Variants in NLE1 observed in about 807,000 individuals in gnomAD.
NLE1 encodes the protein notchless protein homolog 1.
NLE1 carries 37 observed loss-of-function variants against 62.8 expected under a neutral mutation model. That is an observed-to-expected ratio of 0.59 (90% confidence interval 0.45 to 0.78). The LOEUF (loss-of-function observed/expected upper bound fraction) is 0.78. Ranked by LOEUF, NLE1 falls within the 30% of genes least tolerant of loss-of-function variation. NLE1 has a pLI of 0.00. For synonymous variants in NLE1, 243 were observed against 253.0 expected (o/e 0.96, Z 0.37); for missense variants, 555 against 637.9 (o/e 0.87, Z 1.40).
intron 12 of NLE1, among the ~76,000 whole-genome samples, chr17:35,132,948 C>T (rs1254861527): frequency 3.3e-5 from 5 of 150,908 alleles, no homozygotes; most frequent in East Asian, 1.9e-4. Context: ...AAGACCTGGA[C>T]GCGCCCTCTA....
At chr17:35,136,980 C>T in intron 7 of NLE1, 21 bp downstream of exon 7, 1 of 1,568,030 alleles carries the variant, frequency 6.4e-7, no homozygotes, top group Non-Finnish European at 8.7e-7. Flanking sequence ...GGACTGGTTT[C>T]TGAACCCTCC....
chr17:35,136,892 G>T, intron 7 of NLE1, 109 bp downstream of exon 7: 1 of 1,073,862 alleles, frequency 9.3e-7, no homozygotes, highest in African/African-American at 1.6e-5. Flanking sequence ...AGGGCTCCCA[G>T]CACACATCTG....
At chr17:35,133,275 T>TGAGAGG (rs2091888180) in intron 11 of NLE1, 34 bp from the exon 12 acceptor site, 1 of 1,613,818 alleles carries the variant, frequency 6.2e-7, no homozygotes, top group East Asian at 2.2e-5. Flanking sequence ...GGTGGGGTGG[T>TGAGAGG]GAGAGGGAGA....
At chr17:35,135,950 G>C (rs930142146) in intron 9 of NLE1, among the ~76,000 whole-genome samples, 1 of 152,176 alleles carries the variant, frequency 6.6e-6, no homozygotes, top group Admixed American at 6.5e-5. Flanking sequence ...TGTTGGAAAT[G>C]TAATAAATAG....
chr17:35,137,103 G>A lies in NLE1; in HGVS notation c.726C>T (p.Leu242=), dbSNP rs1427981312. The A allele has an allele frequency of 6.2e-7, 1 of 1,613,980 alleles. No homozygotes were observed. The highest frequency in any genetic ancestry group is 8.5e-7 in the Non-Finnish European group (1 of 1,179,988). The change falls in exon 7 of 13, where the codon CTC becomes CTT. Residue 242 remains leucine, a synonymous_variant. Coordinates refer to ENST00000442241, the MANE Select transcript of NLE1 (RefSeq NM_018096.5). ...AGGTGACCGACTGGGTGTGCCCGGTGAGGATGCGCTCACAGCGGCCTGCAG... is the reference window on the plus strand; with the variant it reads ...AGGTGACCGACTGGGTGTGCCCGGTAAGGATGCGCTCACAGCGGCCTGCAG... ...DTTAGRCERI[L]TGHTQSVTCL... is the part of the protein sequence containing the mutation.
At position 35,142,081 on chromosome 17, in the gene NLE1, C is replaced by T. The variant is rs199960173; in HGVS notation, c.60G>A (p.Gln20=). 2.5e-5 allele frequency: 40 copies of T among 1,612,720 alleles called. No individual in the cohort carries two copies. The highest frequency in any genetic ancestry group is 3.3e-5 in the Non-Finnish European group (39 of 1,179,930). ...VARDVQRLLV[Q]FQDEGGQLLG... Reference sequence around the variant, plus strand: ...GCAGCTGCCCGCCCTCATCCTGGAACTGCACTAGCAACCGCTGCACATCGC... The same window carrying T: ...GCAGCTGCCCGCCCTCATCCTGGAATTGCACTAGCAACCGCTGCACATCGC... The change falls in exon 2 of 13, where the codon CAG becomes CAA. Residue 20 remains glutamine (Q), a synonymous_variant. Transcript: ENST00000442241.
At chr17:35,140,208 T>C (rs1027342809) in intron 2 of NLE1, 142 bp from the exon 3 acceptor site, 5 of 828,798 alleles carry the variant, frequency 6.0e-6, no homozygotes, top group East Asian at 2.7e-5. Flanking sequence ...TCATTGCCCA[T>C]TGAGCAAGAC....
At position 35,129,316 on chromosome 17, in the gene NLE1, A is replaced by G; in HGVS notation, c.*3121T>C. 7.1e-7 allele frequency: 1 copy of G among 1,405,616 alleles called. No individual in the cohort carries two copies. The highest frequency in any genetic ancestry group is 9.8e-7 in the Non-Finnish European group (1 of 1,024,598). 87.1% of individuals were successfully genotyped at this position (1,405,616 alleles called of 1,614,324 possible). A position where few individuals can be genotyped will look rare whatever the true frequency, so the allele number is the denominator to read the frequency against. ...CCATCTGACCTGCCTGGGCCCCAGC[A>G]GGAGCAGGGGATGGGCATGGGACGT... On this transcript the variant is annotated 3_prime_UTR_variant, in exon 13 of 13. Transcript: ENST00000442241.
chr17:35,137,579 T>C lies in NLE1; in HGVS notation c.599A>G (p.Lys200Arg). ...QVGRTLAGHS[K>R]WITGLSWEPL... ...CTCCCAGCTCAGGCCTGTGATCCACTTGCTGTGGCCAGCGAGGGTCCTGCC... is the reference window on the plus strand; with the variant it reads ...CTCCCAGCTCAGGCCTGTGATCCACCTGCTGTGGCCAGCGAGGGTCCTGCC... The change falls in exon 6 of 13, where the codon AAG (lysine) becomes AGG (arginine). Residue 200 changes from lysine to arginine, a missense_variant. Coordinates refer to ENST00000442241, the MANE Select transcript of NLE1 (RefSeq NM_018096.5). The C allele has an allele frequency of 1.2e-6, 2 of 1,610,676 alleles. No homozygotes were observed. Among genetic ancestry groups the C allele is most frequent in the Non-Finnish European group, 8.5e-7 (1 of 1,179,974 alleles).
intron 7 of NLE1, 43 bp from the exon 8 acceptor site, chr17:35,136,540 A>C (rs2091909960): frequency 3.2e-6 from 5 of 1,583,012 alleles, no homozygotes; most frequent in Non-Finnish European, 3.5e-6. Context: ...ACTCCTCCCC[A>C]CGCCTGGGCG....
rs1325427499 is a variant in NLE1 at position 35,130,294 on chromosome 17, G to A, written c.*2143C>T. The A allele has an allele frequency of 1.9e-6, 3 of 1,613,852 alleles. No homozygotes were observed. Among genetic ancestry groups the A allele is most frequent in the East Asian group, 2.2e-5 (1 of 44,872 alleles). ...TGTTTCACTTCAGTTTGCAACCCTG[G>A]CCACTGACTTCAGCAGCTTTCCTGA... On this transcript the variant is annotated 3_prime_UTR_variant, in exon 13 of 13. Coordinates refer to ENST00000442241, the MANE Select transcript of NLE1 (RefSeq NM_018096.5).
Position 35,129,129 on chromosome 17 carries a change from G to T in NLE1, c.*3308C>A. On this transcript the variant is annotated 3_prime_UTR_variant, in exon 13 of 13. Coordinates refer to ENST00000442241, the MANE Select transcript of NLE1 (RefSeq NM_018096.5). Reference sequence around the variant, plus strand: ...CTGCTGTGCTATCCAGTTCCTAACAGGCCATGGACTGCTATCAGTTGGTGG... The same window carrying T: ...CTGCTGTGCTATCCAGTTCCTAACATGCCATGGACTGCTATCAGTTGGTGG... 2.9e-6 allele frequency: 1 copy of T among 342,146 alleles called. No homozygotes were observed. 21.2% of individuals were successfully genotyped at this position (342,146 alleles called of 1,614,324 possible).
chr17:35,132,247 G>T lies in NLE1; in HGVS notation c.*190C>A, dbSNP rs2091880012. The stretch of plus-strand genomic sequence containing the variant: ...GTGACCTTCGATTTCTGGCTCTGGG[G>T]TGTGCCACAGGCGGGGATCTGTGGG... On this transcript the variant is annotated 3_prime_UTR_variant, in exon 13 of 13. Transcript: ENST00000442241. The T allele has an allele frequency of 7.2e-6, 3 of 414,484 alleles. No homozygotes were observed. The East Asian group carries it at 1.1e-4, about 16-fold the overall frequency. 25.7% of individuals were successfully genotyped at this position (414,484 alleles called of 1,614,324 possible).
In NLE1 at chr17:35,129,894, G is replaced by A. The variant is rs2091866139; in HGVS notation, c.*2543C>T. On this transcript the variant is annotated 3_prime_UTR_variant, in exon 13 of 13. Transcript: ENST00000442241. ...ATGTATTTTTCAACATCACTATAAT[G>A]TTCCCCTTCCAAAGCCATTGGTTTT... The A allele has an allele frequency of 7.1e-7, 1 of 1,402,932 alleles. No homozygotes were observed. The highest frequency in any genetic ancestry group is 9.3e-7 in the Non-Finnish European group (1 of 1,080,724). The allele number at this position is 1,402,932 out of a possible 1,614,324, so 86.9% of individuals were successfully genotyped here.
At chr17:35,140,453 T>A (rs1597894972) in intron 2 of NLE1, among the ~76,000 whole-genome samples, 2 of 152,052 alleles carry the variant, frequency 1.3e-5, no homozygotes, top group East Asian at 3.9e-4. Context: ...GGTCTCAAGC[T>A]CCTGACCTCA....
intron 12 of NLE1, 151 bp downstream of exon 12, chr17:35,133,020 C>A (rs1190454951): frequency 1.1e-5 from 8 of 753,134 alleles, no homozygotes; most frequent in African/African-American, 1.7e-5. Context: ...TCCCACTTGC[C>A]CACTGAGAAT....
intron 3 of NLE1, 39 bp downstream of exon 3, chr17:35,139,810 C>T (rs1390617372): frequency 6.3e-7 from 1 of 1,598,346 alleles, no homozygotes; most frequent in Non-Finnish European, 8.5e-7. Context: ...AAGACTGCAC[C>T]CCCACATACC....
At chr17:35,141,889 G>T in intron 2 of NLE1, 90 bp downstream of exon 2, 1 of 1,403,274 alleles carries the variant, frequency 7.1e-7, no homozygotes, top group South Asian at 1.3e-5. Context: ...GTTAGCGGGG[G>T]ACCATGAACC....
At position 35,129,635 on chromosome 17, in the gene NLE1, G is replaced by A; in HGVS notation, c.*2802C>T. The A allele has an allele frequency of 1.2e-6, 2 of 1,614,004 alleles. No homozygotes were observed. The highest frequency in any genetic ancestry group is 1.7e-6 in the Non-Finnish European group (2 of 1,180,008). On this transcript the variant is annotated 3_prime_UTR_variant, in exon 13 of 13. Coordinates refer to ENST00000442241, the MANE Select transcript of NLE1 (RefSeq NM_018096.5). ...CCGTGCAGCCAACACAGCTGGGGTG[G>A]GGAAGTGGTGCAAGCCCTACAAAGT...
Sources: allele counts gnomAD v4.1 joint callset (sites outside exome capture counted in the v4.1 genomes callset), GRCh38; gene constraint gnomAD v4.1.1; transcripts MANE v1.5; gene names NCBI Gene and HGNC (gene_info 2026-07-23, HGNC 2026-07-21).